DAP: variants seen among roughly 807,000 people sequenced by gnomAD.
The protein encoded by DAP is death associated protein.
DAP carries 8 observed loss-of-function variants against 13.8 expected under a neutral mutation model. That is an observed-to-expected ratio of 0.58 (90% confidence interval 0.34 to 1.05). DAP has a LOEUF of 1.05. Ranked by LOEUF, DAP falls within the 50% of genes least tolerant of loss-of-function variation. The pLI, the probability that DAP is intolerant of heterozygous loss-of-function variation, is 0.03. For missense variants in DAP, 106 were observed against 133.2 expected (o/e 0.80, Z 1.01); for synonymous variants, 47 against 47.5 (o/e 0.99, Z 0.04).
chr5:10,706,035 C>T (rs1738690502), intron 2 of DAP, among the ~76,000 whole-genome samples: 1 of 152,204 alleles, frequency 6.6e-6, no homozygotes, highest in Non-Finnish European at 1.5e-5. Flanking sequence ...GAGAGCTTAG[C>T]TCACATCGGC....
intron 1 of DAP, among the ~76,000 whole-genome samples, chr5:10,755,227 G>A (rs1033824143): frequency 2.0e-5 from 3 of 152,218 alleles, no homozygotes; most frequent in Admixed American, 6.5e-5. Flanking sequence ...GGAGGAAGGC[G>A]CCACGAGCCA....
At chr5:10,747,617 G>A (rs1338528696) in intron 2 of DAP, among the ~76,000 whole-genome samples, 1 of 152,222 alleles carries the variant, frequency 6.6e-6, no homozygotes, top group South Asian at 2.1e-4. Context: ...CAGTATGGAA[G>A]CCTAAGTTGC....
At chr5:10,685,424 C>A (rs1738132980) in intron 2 of DAP, among the ~76,000 whole-genome samples, 1 of 152,186 alleles carries the variant, frequency 6.6e-6, no homozygotes, top group Non-Finnish European at 1.5e-5. Flanking sequence ...TGGCTGATAC[C>A]ATCCACAGGG....
intron 2 of DAP, among the ~76,000 whole-genome samples, chr5:10,687,542 A>AT (rs1203229537): frequency 6.6e-6 from 1 of 152,206 alleles, no homozygotes; most frequent in Admixed American, 6.5e-5. Context: ...TGGTGAAAAC[A>AT]GCAAGAGAAC....
chr5:10,725,178 G>A (rs937691577), intron 2 of DAP, among the ~76,000 whole-genome samples: 1 of 152,016 alleles, frequency 6.6e-6, no homozygotes, highest in Non-Finnish European at 1.5e-5. Flanking sequence ...TCCACTTATC[G>A]TCATCATGAA....
intron 1 of DAP, among the ~76,000 whole-genome samples, chr5:10,760,516 G>C (rs921653730): frequency 6.6e-6 from 1 of 152,346 alleles, no homozygotes; most frequent in South Asian, 2.1e-4. Context: ...AACTGGCGGT[G>C]AAAGTCATAT....
At chr5:10,745,292 G>A (rs776872939) in intron 2 of DAP, among the ~76,000 whole-genome samples, 3 of 152,036 alleles carry the variant, frequency 2.0e-5, no homozygotes, top group Middle Eastern at 3.2e-3. Context: ...ATGCTGTGTC[G>A]AGTTGTTTAA....
chr5:10,725,181 A>G (rs1053128554), intron 2 of DAP, among the ~76,000 whole-genome samples: 1 of 152,092 alleles, frequency 6.6e-6, no homozygotes, highest in African/African-American at 2.4e-5. Flanking sequence ...ACTTATCGTC[A>G]TCATGAATTT....
intron 2 of DAP, among the ~76,000 whole-genome samples, chr5:10,714,630 G>C (rs1738934363): frequency 6.6e-6 from 1 of 152,172 alleles, no homozygotes. Flanking sequence ...GTGATATGGG[G>C]ATCTGTGTCC....
intron 2 of DAP, among the ~76,000 whole-genome samples, chr5:10,698,401 C>T (rs1375330712): frequency 1.3e-5 from 2 of 151,756 alleles, no homozygotes; most frequent in Non-Finnish European, 2.9e-5. Flanking sequence ...TTACGTTCAA[C>T]CCAACAACCC....
intron 2 of DAP, among the ~76,000 whole-genome samples, chr5:10,716,131 T>G (rs1002461811): frequency 6.6e-6 from 1 of 152,148 alleles, no homozygotes; most frequent in Non-Finnish European, 1.5e-5. Context: ...TCATTTCCCA[T>G]TTTCAAAGTG....
intron 2 of DAP, among the ~76,000 whole-genome samples, chr5:10,736,921 C>A (rs764810538): frequency 6.6e-6 from 1 of 152,270 alleles, no homozygotes; most frequent in Non-Finnish European, 1.5e-5. Flanking sequence ...CTACATGTCA[C>A]TCAGTGCCTG....
chr5:10,684,484 A>T (rs2126634161), intron 2 of DAP, among the ~76,000 whole-genome samples: 1 of 152,332 alleles, frequency 6.6e-6, no homozygotes, highest in East Asian at 1.9e-4. Context: ...CAGTGTGAAA[A>T]AACAGACAAG....
intron 1 of DAP, among the ~76,000 whole-genome samples, chr5:10,757,758 G>A (rs955933180): frequency 6.6e-6 from 1 of 152,176 alleles, no homozygotes; most frequent in Non-Finnish European, 1.5e-5. Context: ...GCATCCCTGC[G>A]CACAGTACAG....
intron 2 of DAP, among the ~76,000 whole-genome samples, chr5:10,737,325 G>A (rs547151210): frequency 4.3e-5 from 6 of 140,938 alleles, no homozygotes; most frequent in Non-Finnish European, 6.0e-5. Context: ...CAGCCTGGGC[G>A]ACAGAGCAAG....
rs13185680 is a variant in DAP at position 10,746,779 on chromosome 5, G to A, written c.152+1396C>T. ...AATGCTGTTCTTCCCTCACGTGGCC[G>A]CTCCGTAACTCATACTGTATCAGGT... On this transcript the variant is annotated intron_variant, in intron 2 of 3. Coordinates refer to ENST00000230895, the MANE Select transcript of DAP (RefSeq NM_004394.3). Among the ~76,000 whole-genome samples the A allele has an allele frequency of 1.6e-4, 25 of 152,196 alleles. No individual in the cohort carries two copies. The East Asian group carries it at 1.9e-3, about 12-fold the overall frequency.
chr5:10,682,315 G>A (rs999483611), intron 3 of DAP, among the ~76,000 whole-genome samples: 1 of 151,374 alleles, frequency 6.6e-6, no homozygotes, highest in Non-Finnish European at 1.5e-5. Flanking sequence ...GCGTCCACCA[G>A]GGTCCCTGTA....
chr5:10,714,497 G>A (rs1738931960), intron 2 of DAP, among the ~76,000 whole-genome samples: 2 of 152,080 alleles, frequency 1.3e-5, no homozygotes, highest in South Asian at 4.1e-4. Context: ...TTTGATAACT[G>A]TACCTCATAC....
chr5:10,730,775 A>G (rs567438789), intron 2 of DAP, among the ~76,000 whole-genome samples: 4,481 of 45,410 alleles, frequency 0.099, 160 homozygotes, highest in African/African-American at 0.15. Flanking sequence ...GAGCCCTGGT[A>G]GGGGGAATCC....
Sources: gnomAD v4.1 joint callset for allele counts (sites outside exome capture counted in the v4.1 genomes callset) on GRCh38, gnomAD v4.1.1 for gene constraint, MANE v1.5 for transcripts, NCBI Gene and HGNC (gene_info 2026-07-23, HGNC 2026-07-21) for gene names.